The following COL7A1 variants were observed in gnomAD, a reference collection of about 807,000 sequenced individuals.
COL7A1 encodes collagen type VII alpha 1 chain.
Under a neutral mutation model 456.2 loss-of-function variants are expected in COL7A1, and 296 were observed. That is an observed-to-expected ratio of 0.65 (90% CI 0.59 to 0.71). COL7A1 has a LOEUF of 0.71. Ranked by LOEUF, COL7A1 falls within the 30% of genes least tolerant of loss-of-function variation. The pLI is 0.00. For missense variants in COL7A1, 3,441 were observed against 4,017.2 expected, an observed-to-expected ratio of 0.86 and a Z score of 3.88; for synonymous variants, 1,464 against 1,525.9, an observed-to-expected ratio of 0.96 and a Z score of 0.95.
Position 48,575,734 on chromosome 3 carries a change from C to G in COL7A1, c.5871G>C (p.Arg1957=). 1 of 1,614,054 alleles carries G rather than the reference C, an allele frequency of 6.2e-7. No individual in the cohort carries two copies. The highest frequency in any genetic ancestry group is 2.2e-5 in the East Asian group (1 of 44,876). Residue 1957 remains arginine, a synonymous_variant, in exon 73 of 119, where the codon CGG becomes CGC. Transcript: ENST00000681320. The surrounding 1 kb of genome is among the most constrained non-coding windows in gnomAD (Gnocchi z 6.3). The part of the protein sequence containing the change: ...ETAGIKASAL[R]EIVETWDESS... ...TCTCATCCCAGGTCTCCACGATCTC[C>G]CGCAGGGCAGATGCCTGAGGGACAG...
In COL7A1 at chr3:48,590,335, AGT is replaced by A; in HGVS notation, c.1926_1927del (p.Leu643AlafsTer96). On this transcript the variant is annotated frameshift_variant, in exon 16 of 119. Coordinates refer to ENST00000681320, the MANE Select transcript of COL7A1 (RefSeq NM_000094.4). LOFTEE classifies it high-confidence loss of function. This position sits in a 1 kb window ranked among gnomAD's most constrained non-coding sequence, Gnocchi z 4.6. Reference sequence around the variant, plus strand: ...GTCTGTGGCAGTAGAGTCTGGGGGCAGTGTCTGGCTGGACTCCGGACCTGAGG... The same window carrying A: ...GTCTGTGGCAGTAGAGTCTGGGGGCAGTCTGGCTGGACTCCGGACCTGAGG... 2 of 1,614,050 alleles carry A rather than the reference AGT, an allele frequency of 1.2e-6. No individual in the cohort carries two copies. The highest frequency in any genetic ancestry group is 1.7e-6 in the Non-Finnish European group (2 of 1,179,996).
rs775619280 is a variant in COL7A1, at chr3:48,586,014, C to T, written c.3724-39G>A. The T allele has an allele frequency of 4.8e-5, 78 of 1,613,554 alleles. No homozygotes were observed. The highest frequency in any genetic ancestry group is 6.3e-5 in the Non-Finnish European group (74 of 1,180,030). ...GTCTCTTTGAGGTTGAACATTTCTACCAAGAACCCCCAGACCCCTTATATT... is the reference window on the plus strand; with the variant it reads ...GTCTCTTTGAGGTTGAACATTTCTATCAAGAACCCCCAGACCCCTTATATT... On this transcript the variant is annotated intron_variant, in intron 28 of 118. Transcript: ENST00000681320. This position sits in a 1 kb window ranked among gnomAD's most constrained non-coding sequence, Gnocchi z 5.1.
Position 48,564,734 on chromosome 3 carries a change from C to A in COL7A1, c.8818+49G>T. ...AAGGACTCCTCCCCCAGAACCCGATCCAGGCAGGCTCAGTGCCCAGTTCCC... is the reference window on the plus strand; with the variant it reads ...AAGGACTCCTCCCCCAGAACCCGATACAGGCAGGCTCAGTGCCCAGTTCCC... On this transcript the variant is annotated intron_variant, in intron 118 of 118. Transcript: ENST00000681320. This position sits in a 1 kb window ranked among gnomAD's most constrained non-coding sequence, Gnocchi z 6.0. 2 of 1,586,278 alleles carry A rather than the reference C, an allele frequency of 1.3e-6. No homozygotes were observed. The highest frequency in any genetic ancestry group is 8.6e-7 in the Non-Finnish European group (1 of 1,162,768).
rs1179759799 is a variant in COL7A1 at position 48,569,295 on chromosome 3, C to T, written c.7686+80G>A. ...ACCCCAGAAAGCCTCCTCCTGTCCT[C>T]CCCTCCTGCCCTCACAGATGCTGTG... On this transcript the variant is annotated intron_variant, in intron 103 of 118. Transcript: ENST00000681320. The surrounding 1 kb of genome is among the most constrained non-coding windows in gnomAD (Gnocchi z 4.9). 1.3e-6 allele frequency: 2 copies of T among 1,545,844 alleles called. No individual in the cohort carries two copies. Among genetic ancestry groups the T allele is most frequent in the Non-Finnish European group, 1.8e-6 (2 of 1,117,940 alleles).
chr3:48,592,551 G>A lies in COL7A1; in HGVS notation c.976+19C>T. 2 of 1,613,912 alleles carry A rather than the reference G, an allele frequency of 1.2e-6. No individual in the cohort carries two copies. The highest frequency in any genetic ancestry group is 1.1e-5 in the South Asian group (1 of 91,082). On this transcript the variant is annotated intron_variant, in intron 8 of 118. Coordinates refer to ENST00000681320, the MANE Select transcript of COL7A1 (RefSeq NM_000094.4). This position sits in a 1 kb window ranked among gnomAD's most constrained non-coding sequence, Gnocchi z 7.6. ...CGGGGGTTAGGTGAATGGGGTCAGA[G>A]GCTGGCAGAATTGCTCACTGGTCCG...
rs778142148 is a variant in COL7A1, at chr3:48,573,394, G to A, written c.6619-46C>T. ...GCATGAGCAGAGCCCACGTGGCCAG[G>A]GCTCCTGGAGCTCATCCTCATTGCA... On this transcript the variant is annotated intron_variant, in intron 83 of 118. Coordinates refer to ENST00000681320, the MANE Select transcript of COL7A1 (RefSeq NM_000094.4). This position sits in a 1 kb window ranked among gnomAD's most constrained non-coding sequence, Gnocchi z 5.5. 5 of 1,614,008 alleles carry A rather than the reference G, an allele frequency of 3.1e-6. No homozygotes were observed. In the East Asian group the frequency reaches 8.9e-5, roughly 29 times the overall value.
Position 48,570,077 on chromosome 3 carries a change from A to C in COL7A1, c.7485+57T>G. On this transcript the variant is annotated intron_variant, in intron 99 of 118. Transcript: ENST00000681320. The surrounding 1 kb of genome is among the most constrained non-coding windows in gnomAD (Gnocchi z 5.5). ...GATGGCAGAGAGTCCTGGGGTACAA[A>C]GGGCACAGGCAGGGGACTGAAGTCA... The C allele has an allele frequency of 6.2e-7, 1 of 1,608,938 alleles. No homozygotes were observed. Among genetic ancestry groups the C allele is most frequent in the Middle Eastern group, 1.7e-4 (1 of 6,058 alleles).
In COL7A1 at chr3:48,569,848, C is replaced by T. The variant is rs192945405; in HGVS notation, c.7521+32G>A. 6.8e-6 allele frequency: 11 copies of T among 1,614,078 alleles called. No homozygotes were observed. The highest frequency in any genetic ancestry group is 5.5e-5 in the South Asian group (5 of 91,088). ...ATCATACAAGATCCACTCACCCCCC[C>T]ACTCATGCCAGGACCTTCCCCACGT... On this transcript the variant is annotated intron_variant, in intron 100 of 118. Coordinates refer to ENST00000681320, the MANE Select transcript of COL7A1 (RefSeq NM_000094.4). This position sits in a 1 kb window ranked among gnomAD's most constrained non-coding sequence, Gnocchi z 4.9.
In COL7A1 at chr3:48,588,449, C is replaced by T. The variant is rs775631144; in HGVS notation, c.2588-45G>A. 8.1e-6 allele frequency: 13 copies of T among 1,600,364 alleles called. No individual in the cohort carries two copies. Among genetic ancestry groups the T allele is most frequent in the Non-Finnish European group, 9.3e-6 (11 of 1,178,326 alleles). On this transcript the variant is annotated intron_variant, in intron 20 of 118. Transcript: ENST00000681320. The surrounding 1 kb of genome is among the most constrained non-coding windows in gnomAD (Gnocchi z 4.6). Reference sequence around the variant, plus strand: ...ATCAGGGAGGCTCTGCCCCCATGGCCCCTGCACCAATCCCAGGCCCACCCT... The same window carrying T: ...ATCAGGGAGGCTCTGCCCCCATGGCTCCTGCACCAATCCCAGGCCCACCCT...
chr3:48,575,805 G>A lies in COL7A1; in HGVS notation c.5857-57C>T. ...GTGCGTCGCCGCAGCCCCTATGCCT[G>A]TGGGCACCACTAGCCCCAAGGGCCC... On this transcript the variant is annotated intron_variant, in intron 72 of 118. Transcript: ENST00000681320. The surrounding 1 kb of genome is among the most constrained non-coding windows in gnomAD (Gnocchi z 6.3). 2 of 1,614,024 alleles carry A rather than the reference G, an allele frequency of 1.2e-6. No homozygotes were observed. Among genetic ancestry groups the A allele is most frequent in the South Asian group, 2.2e-5 (2 of 91,088 alleles).
rs1400364328 is a variant in COL7A1 at position 48,581,980 on chromosome 3, C to A, written c.4636-37G>T. The A allele has an allele frequency of 3.1e-6, 5 of 1,613,894 alleles. No individual in the cohort carries two copies. Among genetic ancestry groups the A allele is most frequent in the Non-Finnish European group, 4.2e-6 (5 of 1,179,996 alleles). On this transcript the variant is annotated intron_variant, in intron 47 of 118. Transcript: ENST00000681320. The surrounding 1 kb of genome is among the most constrained non-coding windows in gnomAD (Gnocchi z 5.8). ...CAGGACAGATACAGCTTGGCCCTGCCTTGGGGTTGTATGATCAAAGTCTTC... is the reference window on the plus strand; with the variant it reads ...CAGGACAGATACAGCTTGGCCCTGCATTGGGGTTGTATGATCAAAGTCTTC...
chr3:48,564,584 AG>A lies in COL7A1; in HGVS notation c.8819-163del. ...AGGTCTTTAAAGGAGGGAACATGGA[AG>A]GGGACCCTACTGGGGGCTCCACGGC... On this transcript the variant is annotated intron_variant, in intron 118 of 118. Coordinates refer to ENST00000681320, the MANE Select transcript of COL7A1 (RefSeq NM_000094.4). The surrounding 1 kb of genome is among the most constrained non-coding windows in gnomAD (Gnocchi z 6.0). 3.8e-6 allele frequency: 4 copies of A among 1,048,826 alleles called. No individual in the cohort carries two copies. The Admixed American group carries it at 8.1e-5, about 21-fold the overall frequency. 65.0% of individuals were successfully genotyped at this position (1,048,826 alleles called of 1,614,324 possible).
chr3:48,571,386 TG>T lies in COL7A1; in HGVS notation c.7069-109del. ...GAGTTCTGATGTGACCATGAACACA[TG>T]GGAACTCAGACATGCGACCAAGAAT... On this transcript the variant is annotated intron_variant, in intron 92 of 118. Transcript: ENST00000681320. This position sits in a 1 kb window ranked among gnomAD's most constrained non-coding sequence, Gnocchi z 4.6. 1.4e-6 allele frequency: 2 copies of T among 1,395,552 alleles called. No homozygotes were observed. Among genetic ancestry groups the T allele is most frequent in the South Asian group, 1.2e-5 (1 of 83,768 alleles). The allele number at this position is 1,395,552 out of a possible 1,614,324, so 86.4% of individuals were successfully genotyped here.
rs2045583488 is a variant in COL7A1, at chr3:48,590,110, G to A, written c.2050+103C>T. 5 of 1,295,168 alleles carry A rather than the reference G, an allele frequency of 3.9e-6. No homozygotes were observed. The highest frequency in any genetic ancestry group is 1.3e-5 in the South Asian group (1 of 74,922). 80.2% of individuals were successfully genotyped at this position (1,295,168 alleles called of 1,614,324 possible). A position where few individuals can be genotyped will look rare whatever the true frequency, so the allele number is the denominator to read the frequency against. ...GAGGAGGGAGTGGGATTCTGAAGGGGGAGGCAGGAGTTCTGGGGAGAAGCA... is the reference window on the plus strand; with the variant it reads ...GAGGAGGGAGTGGGATTCTGAAGGGAGAGGCAGGAGTTCTGGGGAGAAGCA... On this transcript the variant is annotated intron_variant, in intron 16 of 118. Coordinates refer to ENST00000681320, the MANE Select transcript of COL7A1 (RefSeq NM_000094.4). The surrounding 1 kb of genome is among the most constrained non-coding windows in gnomAD (Gnocchi z 4.6).
Position 48,575,440 on chromosome 3 carries a change from G to T in COL7A1, c.6079C>A (p.Pro2027Thr). The T allele has an allele frequency of 6.2e-7, 1 of 1,610,344 alleles. No individual in the cohort carries two copies. The highest frequency in any genetic ancestry group is 8.5e-7 in the Non-Finnish European group (1 of 1,179,162). ...TCCCCGGCAAGGCCGGAAGGCCCGG[G>T]GGGGCCCCTCTCCCCAAGGGCCAGA... is the stretch of plus-strand genomic sequence containing the variant. ...PGLALGERGPPGPSGLAGEPG... is the reference protein window; with the variant it reads ...PGLALGERGPTGPSGLAGEPG... Residue 2027 changes from proline to threonine, a missense_variant, in exon 74 of 119, where the codon CCC becomes ACC. This residue lies in a region of COL7A1 where 2,084 missense variants were observed against 2,501.3 expected (regional missense o/e 0.83). Coordinates refer to ENST00000681320, the MANE Select transcript of COL7A1 (RefSeq NM_000094.4). The surrounding 1 kb of genome is among the most constrained non-coding windows in gnomAD (Gnocchi z 6.3).
Position 48,565,093 on chromosome 3 carries a change from A to G in COL7A1, c.8620+16T>C. ...CTGCCCCTCCCCAGACCCCGCTGGC[A>G]GCCCCCCATTCTCACCATCACTATC... On this transcript the variant is annotated intron_variant, in intron 117 of 118. Transcript: ENST00000681320. This position sits in a 1 kb window ranked among gnomAD's most constrained non-coding sequence, Gnocchi z 4.5. 1 of 1,134,690 alleles carries G rather than the reference A, an allele frequency of 8.8e-7. No individual in the cohort carries two copies. Among genetic ancestry groups the G allele is most frequent in the Non-Finnish European group, 1.3e-6 (1 of 769,716 alleles). The allele number at this position is 1,134,690 out of a possible 1,614,324, so 70.3% of individuals were successfully genotyped here.
Position 48,568,693 on chromosome 3 carries a change from C to T in COL7A1, c.7758+91G>A. ...GGGGCCGGCAGCAAGGGAGCCAGAA[C>T]CCCCAGCACTTAAGAGGACCCCCAG... On this transcript the variant is annotated intron_variant, in intron 104 of 118. Transcript: ENST00000681320. This position sits in a 1 kb window ranked among gnomAD's most constrained non-coding sequence, Gnocchi z 5.2. The T allele has an allele frequency of 1.3e-6, 2 of 1,485,722 alleles. No individual in the cohort carries two copies. Among genetic ancestry groups the T allele is most frequent in the East Asian group, 2.5e-5 (1 of 40,436 alleles). 92.0% of individuals were successfully genotyped at this position (1,485,722 alleles called of 1,614,324 possible).
chr3:48,572,828 C>A lies in COL7A1; in HGVS notation c.6831+34G>T. The A allele has an allele frequency of 6.2e-7, 1 of 1,613,308 alleles. No individual in the cohort carries two copies. Among genetic ancestry groups the A allele is most frequent in the Non-Finnish European group, 8.5e-7 (1 of 1,179,334 alleles). On this transcript the variant is annotated intron_variant, in intron 87 of 118. Coordinates refer to ENST00000681320, the MANE Select transcript of COL7A1 (RefSeq NM_000094.4). The surrounding 1 kb of genome is among the most constrained non-coding windows in gnomAD (Gnocchi z 4.6). The stretch of plus-strand genomic sequence containing the variant: ...CATATTTCAGGCCCACAGCTGGGCA[C>A]CACACCCTAGCGAGCTGCCCCCAGA...
rs201697063 is a variant in COL7A1, at chr3:48,592,382, A to G, written c.1062T>C (p.Thr354=). 5.6e-5 allele frequency: 91 copies of G among 1,613,646 alleles called. No homozygotes were observed. Among genetic ancestry groups the G allele is most frequent in the Admixed American group, 8.3e-5 (5 of 59,998 alleles). ...GGACCCGCCATGTCACACGGTAGCC[A>G]GTGGCACCTGGCACACTCCGCCAGG... ...LVAWRSVPGA[T]GYRVTWRVLS... is the part of the protein sequence containing the mutation. The change falls in exon 9 of 119, where the codon ACT becomes ACC. Residue 354 remains threonine (T), a synonymous_variant. Transcript: ENST00000681320. This position sits in a 1 kb window ranked among gnomAD's most constrained non-coding sequence, Gnocchi z 7.6.
Sources: gnomAD v4.1 joint callset for allele counts on GRCh38, gnomAD v4.1.1 for gene constraint, gnomAD v4.1.1 regional missense constraint, Gnocchi (gnomAD v3.1) non-coding constraint, MANE v1.5 for transcripts, NCBI Gene and HGNC (gene_info 2026-07-23, HGNC 2026-07-21) for gene names.